The following DPP6 variants were observed in gnomAD, a reference collection of about 807,000 sequenced individuals.
DPP6 encodes A-type potassium channel modulatory protein DPP6.
Under a neutral mutation model 122.6 loss-of-function variants are expected in DPP6, and 69 were observed. The observed-to-expected ratio is 0.56, with a 90% CI of 0.46 to 0.69. The LOEUF (loss-of-function observed/expected upper bound fraction) is 0.69, where lower values mean the gene tolerates loss of function less well. DPP6 is among the 30% of genes least tolerant of loss of function. The pLI is 0.00. For synonymous variants in DPP6, 418 were observed against 433.1 expected (o/e 0.97, Z 0.43); for missense variants, 928 against 1,116.9 (o/e 0.83, Z 2.41).
chr7:154,593,087 G>A (rs766844510), intron 5 of DPP6, among the ~76,000 whole-genome samples: 19 of 152,292 alleles, frequency 1.2e-4, no homozygotes, highest in African/African-American at 4.6e-4. Flanking sequence ...CAGGCCCCAC[G>A]TTAATTGTGT....
rs71182888 is a variant in DPP6, at chr7:154,245,635, C to CAAAAAAAAAAAAAAAAAAAAAA, written c.243+192589_243+192590insAAAAAAAAAAAAAAAAAAAAAA. ...CTGGGCAACAAGAGTAAGACTGTCTCAAAAAAAAAAAAAAAAAGCTATGGC... is the reference window on the plus strand; with the variant it reads ...CTGGGCAACAAGAGTAAGACTGTCTCAAAAAAAAAAAAAAAAAAAAAAAAAAAAAAAAAAAAAAAGCTATGGC... On this transcript the variant is annotated intron_variant, in intron 1 of 25. Transcript: ENST00000377770. 1.6e-3 allele frequency among the ~76,000 whole-genome samples: 159 copies of CAAAAAAAAAAAAAAAAAAAAAA among 100,628 alleles called. 3 individuals carry two copies. Among genetic ancestry groups the CAAAAAAAAAAAAAAAAAAAAAA allele is most frequent in the East Asian group, 5.0e-3 (16 of 3,170 alleles). 66.0% of individuals were successfully genotyped at this position (100,628 alleles called of 152,430 possible).
the DPP6 span, among the ~76,000 whole-genome samples, chr7:153,847,583 C>G: frequency 1.3e-5 from 2 of 152,230 alleles, no homozygotes; most frequent in Middle Eastern, 3.4e-3. Context: ...CAGGGCTGAT[C>G]ACCCTGAATT....
chr7:153,890,619 A>G (rs1200810686), intron 1 of DPP6, among the ~76,000 whole-genome samples: 1 of 151,326 alleles, frequency 6.6e-6, no homozygotes, highest in Admixed American at 6.6e-5. Flanking sequence ...CCAGCATACT[A>G]TCTGATCTTG....
At position 154,481,997 on chromosome 7, in the gene DPP6, T is replaced by G. The variant is rs1442886328; in HGVS notation, c.457+6960T>G. ...GAAGACTTCTTGGGCATTTTCTCAT[T>G]TGATACTTAAACAGCCTAGTTTTAA... On this transcript the variant is annotated intron_variant, in intron 3 of 25. Coordinates refer to ENST00000377770, the MANE Select transcript of DPP6 (RefSeq NM_130797.4). This position sits in a 1 kb window ranked among gnomAD's most constrained non-coding sequence, Gnocchi z 4.2. Among the ~76,000 whole-genome samples the G allele has an allele frequency of 1.3e-5, 2 of 152,240 alleles. No individual in the cohort carries two copies. Among genetic ancestry groups the G allele is most frequent in the Non-Finnish European group, 2.9e-5 (2 of 68,050 alleles).
intron 1 of DPP6, among the ~76,000 whole-genome samples, chr7:154,423,535 A>G (rs949383676): frequency 6.6e-6 from 1 of 152,202 alleles, no homozygotes; most frequent in Non-Finnish European, 1.5e-5. Flanking sequence ...TGTTTGTTCA[A>G]GTCTTTATAG....
intron 1 of DPP6, among the ~76,000 whole-genome samples, chr7:154,131,561 A>G (rs879806711): frequency 1.6e-4 from 24 of 152,278 alleles, no homozygotes; most frequent in Non-Finnish European, 2.9e-4. Flanking sequence ...TGTAATTACA[A>G]TGTGCATCCA....
At chr7:154,127,597 T>TCTCACA (rs1438098845) in intron 1 of DPP6, among the ~76,000 whole-genome samples, 9 of 136,740 alleles carry the variant, frequency 6.6e-5, no homozygotes, top group African/African-American at 2.8e-4. Flanking sequence ...GAGCAGCATC[T>TCTCACA]CACACACACA....
intron 1 of DPP6, among the ~76,000 whole-genome samples, chr7:154,371,052 G>T (rs1480454289): frequency 6.6e-6 from 1 of 152,124 alleles, no homozygotes; most frequent in Non-Finnish European, 1.5e-5. Flanking sequence ...TTAGCTTTCT[G>T]CCAAAAGAAA....
rs1587185492 is a variant in DPP6 at position 154,801,538 on chromosome 7, G to A, written c.1407+76G>A. 3 of 1,466,658 alleles carry A rather than the reference G, an allele frequency of 2.0e-6. No individual in the cohort carries two copies. In the East Asian group the frequency reaches 7.5e-5, roughly 37 times the overall value. 90.9% of individuals were successfully genotyped at this position (1,466,658 alleles called of 1,614,324 possible). On this transcript the variant is annotated intron_variant, in intron 13 of 25. Coordinates refer to ENST00000377770, the MANE Select transcript of DPP6 (RefSeq NM_130797.4). ...CCGTGGGGTGACAGCCTCTAGGGCTGGGCACACTTGCGTTTTCGAGGACCC... is the reference window on the plus strand; with the variant it reads ...CCGTGGGGTGACAGCCTCTAGGGCTAGGCACACTTGCGTTTTCGAGGACCC...
chr7:154,743,907 T>C (rs1842925470), intron 8 of DPP6, among the ~76,000 whole-genome samples: 1 of 152,186 alleles, frequency 6.6e-6, no homozygotes. Flanking sequence ...GTACTTTCCA[T>C]ATGTATTTGG....
intron 1 of DPP6, among the ~76,000 whole-genome samples, chr7:154,147,446 TTTCCTTCCTTCCTTCC>T (rs200682495): frequency 6.3e-4 from 90 of 143,080 alleles, no homozygotes; most frequent in Non-Finnish European, 8.3e-4. Context: ...ACTTTATTCA[TTTCCTTCCTTCCTTCC>T]TTCCTTCCTT....
intron 1 of DPP6, among the ~76,000 whole-genome samples, chr7:154,210,352 C>T (rs988635891): frequency 2.0e-5 from 3 of 152,190 alleles, no homozygotes; most frequent in African/African-American, 7.2e-5. Flanking sequence ...AAAATTCTCT[C>T]ATCCAACACT....
At chr7:154,255,895 A>C (rs1802628931) in intron 1 of DPP6, among the ~76,000 whole-genome samples, 1 of 152,098 alleles carries the variant, frequency 6.6e-6, no homozygotes, top group Admixed American at 6.6e-5. Flanking sequence ...TATTTTACTC[A>C]CCCCTCTTAA....
intron 1 of DPP6, among the ~76,000 whole-genome samples, chr7:154,175,563 T>A (rs1011597493): frequency 6.6e-6 from 1 of 152,050 alleles, no homozygotes; most frequent in Non-Finnish European, 1.5e-5. Context: ...ACAGCCACTC[T>A]ATGCTGGACC....
At position 154,686,088 on chromosome 7, in the gene DPP6, C is replaced by T. The variant is rs10271329; in HGVS notation, c.762+16647C>T. Among the ~76,000 whole-genome samples the T allele has an allele frequency of 6.7e-3, 590 of 87,756 alleles. 5 individuals are homozygous for T. The highest frequency in any genetic ancestry group is 0.024 in the African/African-American group (560 of 23,638). 57.6% of individuals were successfully genotyped at this position (87,756 alleles called of 152,430 possible). A position where few individuals can be genotyped will look rare whatever the true frequency, so the allele number is the denominator to read the frequency against. On this transcript the variant is annotated intron_variant, in intron 7 of 25. Coordinates refer to ENST00000377770, the MANE Select transcript of DPP6 (RefSeq NM_130797.4). ...ATAGGGCTCACAATGTTCCCACCAC[C>T]ATGCTAGGCACTCAGTGTATTACTG...
intron 1 of DPP6, among the ~76,000 whole-genome samples, chr7:154,428,968 C>A: frequency 6.6e-6 from 1 of 151,766 alleles, no homozygotes; most frequent in East Asian, 1.9e-4. Flanking sequence ...TCCACGTAAC[C>A]AAAAACCACT....
At chr7:154,124,018 G>T (rs2150613609) in intron 1 of DPP6, among the ~76,000 whole-genome samples, 1 of 151,946 alleles carries the variant, frequency 6.6e-6, no homozygotes, top group South Asian at 2.1e-4. Context: ...GATTCCATGG[G>T]GACAGACATG....
chr7:154,714,768 T>G (rs774342910), intron 7 of DPP6, among the ~76,000 whole-genome samples: 1 of 152,164 alleles, frequency 6.6e-6, no homozygotes, highest in Non-Finnish European at 1.5e-5. Context: ...ACTATAACCT[T>G]GAGTGTATAA....
At chr7:154,033,365 C>G (rs867485192) in intron 1 of DPP6, among the ~76,000 whole-genome samples, 1 of 151,888 alleles carries the variant, frequency 6.6e-6, no homozygotes, top group Non-Finnish European at 1.5e-5. Flanking sequence ...CCCCTCTGCA[C>G]TGGCATTGAA....
Sources: allele counts gnomAD v4.1 joint callset (sites outside exome capture counted in the v4.1 genomes callset), GRCh38; gene constraint gnomAD v4.1.1; non-coding constraint Gnocchi (gnomAD v3.1); transcripts MANE v1.5; gene names NCBI Gene and HGNC (gene_info 2026-07-23, HGNC 2026-07-21).